TRIM2: variants seen among roughly 807,000 people sequenced by gnomAD.
TRIM2 encodes tripartite motif containing 2.
Under a neutral mutation model 75.2 loss-of-function variants are expected in TRIM2, and 20 were observed. That is an observed-to-expected ratio of 0.27 (90% CI 0.19 to 0.39). The LOEUF (loss-of-function observed/expected upper bound fraction) is 0.39. Ranked by LOEUF, TRIM2 falls within the 10% of genes least tolerant of loss-of-function variation. TRIM2 has a pLI of 1.00. For synonymous variants in TRIM2, 373 were observed against 388.3 expected (o/e 0.96, Z 0.46); for missense variants, 660 against 990.8 (o/e 0.67, Z 4.48).
intron 1 of TRIM2, among the ~76,000 whole-genome samples, chr4:153,243,560 C>T (rs1560870758): frequency 6.6e-6 from 1 of 152,140 alleles, no homozygotes; most frequent in Non-Finnish European, 1.5e-5. Context: ...TAGTTAAAAC[C>T]AAGTGGCAAC....
intron 4 of TRIM2, among the ~76,000 whole-genome samples, 170 bp from the exon 5 acceptor site, chr4:153,294,135 C>T (rs930595676): frequency 3.3e-5 from 5 of 151,984 alleles, no homozygotes; most frequent in Non-Finnish European, 5.9e-5. Context: ...GACAAAATCT[C>T]TTCTCTCTAA....
intron 6 of TRIM2, among the ~76,000 whole-genome samples, chr4:153,301,685 T>C (rs1411059967): frequency 2.6e-5 from 4 of 152,216 alleles, no homozygotes; most frequent in Non-Finnish European, 5.9e-5. Context: ...GAGATGAAAG[T>C]CTGATTTCAT....
At chr4:153,301,332 C>T (rs572071294) in intron 6 of TRIM2, among the ~76,000 whole-genome samples, 4 of 152,168 alleles carry the variant, frequency 2.6e-5, no homozygotes, top group Non-Finnish European at 4.4e-5. Context: ...CCCAGCCAAC[C>T]TTTGCCTATT....
At chr4:153,326,121 T>C (rs1190082684) in intron 10 of TRIM2, among the ~76,000 whole-genome samples, 3 of 152,200 alleles carry the variant, frequency 2.0e-5, no homozygotes, top group African/African-American at 7.2e-5. Flanking sequence ...AAAACTTGCT[T>C]TAAATATTTA....
intron 1 of TRIM2, among the ~76,000 whole-genome samples, chr4:153,166,518 C>T (rs138011216): frequency 7.2e-6 from 1 of 138,846 alleles, no homozygotes; most frequent in Non-Finnish European, 1.5e-5. Flanking sequence ...TTTTCTTTTC[C>T]TTCCTTCCTT....
intron 1 of TRIM2, among the ~76,000 whole-genome samples, chr4:153,173,827 T>G (rs1343874386): frequency 3.4e-5 from 5 of 148,962 alleles, no homozygotes; most frequent in Admixed American, 6.7e-5. Flanking sequence ...ATCAGCCGGG[T>G]GTGGTGGCAC....
At chr4:153,297,274 T>C (rs552887413) in intron 6 of TRIM2, among the ~76,000 whole-genome samples, 59 of 152,234 alleles carry the variant, frequency 3.9e-4, no homozygotes, top group Middle Eastern at 3.4e-3. Flanking sequence ...GCGATATGGG[T>C]GCAGGGGTTG....
rs549276148 is a variant in TRIM2, at chr4:153,283,313, A to G, written c.453+7183A>G. Among the ~76,000 whole-genome samples the G allele has an allele frequency of 4.3e-4, 65 of 152,154 alleles. 1 individual carries two copies. Among genetic ancestry groups the G allele is most frequent in the Non-Finnish European group, 9.0e-4 (61 of 68,036 alleles). ...CATTTGATATAAATGGAATCATACA[A>G]TATGTGAGTTTTAGAGTCTGGCTTC... On this transcript the variant is annotated intron_variant, in intron 3 of 11. Coordinates refer to ENST00000338700, the MANE Select transcript of TRIM2 (RefSeq NM_015271.5).
intron 1 of TRIM2, among the ~76,000 whole-genome samples, chr4:153,170,237 T>C (rs567264912): frequency 2.6e-5 from 4 of 152,348 alleles, no homozygotes; most frequent in African/African-American, 9.6e-5. Flanking sequence ...ACTTTCATTC[T>C]GATTGTAACA....
intron 6 of TRIM2, among the ~76,000 whole-genome samples, chr4:153,312,542 A>G (rs1288055986): frequency 6.6e-6 from 1 of 152,120 alleles, no homozygotes; most frequent in African/African-American, 2.4e-5. Context: ...GCGATCATTA[A>G]AAAGTCAGGA....
intron 1 of TRIM2, among the ~76,000 whole-genome samples, chr4:153,216,658 T>C (rs1738551455): frequency 1.3e-5 from 2 of 152,160 alleles, no homozygotes; most frequent in African/African-American, 4.8e-5. Context: ...TTATAGACAA[T>C]AGAAATTTAT....
intron 1 of TRIM2, among the ~76,000 whole-genome samples, chr4:153,246,397 G>A (rs1172775484): frequency 1.3e-5 from 2 of 152,176 alleles, no homozygotes; most frequent in Admixed American, 6.5e-5. Context: ...ATCCACCACA[G>A]AACACCAACA....
rs570551854 is a variant in TRIM2 at position 153,293,737 on chromosome 4, T to C, written c.606-568T>C. Among the ~76,000 whole-genome samples the C allele has an allele frequency of 5.9e-5, 9 of 152,354 alleles. No individual in the cohort carries two copies. The South Asian group carries it at 1.2e-3, about 21-fold the overall frequency. ...TAGTGAGAAAAGTGTGGTTGTTCTA[T>C]AGTAATTCAAAGAACTTGGAAACTT... On this transcript the variant is annotated intron_variant, in intron 4 of 11. Transcript: ENST00000338700.
At chr4:153,213,988 A>G (rs1737783281) in intron 1 of TRIM2, among the ~76,000 whole-genome samples, 2 of 129,874 alleles carry the variant, frequency 1.5e-5, no homozygotes, top group Non-Finnish European at 3.3e-5. Context: ...AGACATAGTG[A>G]GGAAAAAAGA....
In TRIM2 at chr4:153,338,501, T is replaced by G. The variant is rs957008801; in HGVS notation, c.*3535T>G. On this transcript the variant is annotated 3_prime_UTR_variant, in exon 12 of 12. Coordinates refer to ENST00000338700, the MANE Select transcript of TRIM2 (RefSeq NM_015271.5). ...AAGTGAAAGTGGTAATACTGTTGGT[T>G]TCTGTAAATGTTGCAGGGTTTTAAA... 8.1e-6 allele frequency: 8 copies of G among 985,168 alleles called. No homozygotes were observed. The African/African-American group carries it at 1.4e-4, about 17-fold the overall frequency. 61.0% of individuals were successfully genotyped at this position (985,168 alleles called of 1,614,324 possible). A position where few individuals can be genotyped will look rare whatever the true frequency, so the allele number is the denominator to read the frequency against.
rs569415534 is a variant in TRIM2, at chr4:153,229,725, A to T, written c.30+25165A>T. Among the ~76,000 whole-genome samples the T allele has an allele frequency of 3.3e-5, 5 of 152,350 alleles. No homozygotes were observed. In the East Asian group the frequency reaches 9.6e-4, roughly 29 times the overall value. On this transcript the variant is annotated intron_variant, in intron 1 of 11. Transcript: ENST00000338700. ...GATTTGCCAGGGTATGAAATTCTGA[A>T]TCCCATCTGCACGGAAGCTGGTTTT...
chr4:153,158,416 T>C (rs1057296167), intron 1 of TRIM2, among the ~76,000 whole-genome samples: 3 of 152,226 alleles, frequency 2.0e-5, no homozygotes, highest in Non-Finnish European at 2.9e-5. Flanking sequence ...TTGATCATTG[T>C]ATAGTGGCAA....
chr4:153,335,246 T>C lies in TRIM2; in HGVS notation c.*280T>C. On this transcript the variant is annotated 3_prime_UTR_variant, in exon 12 of 12. Coordinates refer to ENST00000338700, the MANE Select transcript of TRIM2 (RefSeq NM_015271.5). ...AGGGACAGGATTTATGTAGCTAAAC[T>C]AATTTTGCAAATCAAACAGACACTT... The C allele has an allele frequency of 9.1e-7, 1 of 1,097,010 alleles. No homozygotes were observed. Among genetic ancestry groups the C allele is most frequent in the Non-Finnish European group, 1.1e-6 (1 of 905,072 alleles). The allele number at this position is 1,097,010 out of a possible 1,614,324, so 68.0% of individuals were successfully genotyped here. A position where few individuals can be genotyped will look rare whatever the true frequency, so the allele number is the denominator to read the frequency against.
chr4:153,324,288 C>A (rs1276926248), intron 10 of TRIM2, 140 bp downstream of exon 10: 2 of 610,484 alleles, frequency 3.3e-6, no homozygotes, highest in Non-Finnish European at 5.2e-6. Context: ...TCAAAGATGC[C>A]GGTTTTAACT....
Sources: allele counts gnomAD v4.1 joint callset (sites outside exome capture counted in the v4.1 genomes callset), GRCh38; gene constraint gnomAD v4.1.1; transcripts MANE v1.5; gene names NCBI Gene and HGNC (gene_info 2026-07-23, HGNC 2026-07-21).